SLC38A2: variants seen among roughly 807,000 people sequenced by gnomAD.
SLC38A2 encodes sodium-coupled neutral amino acid symporter 2.
A neutral mutation model predicts 61.5 loss-of-function variants in SLC38A2; 11 were observed. The observed-to-expected ratio is 0.18, with a 90% CI of 0.11 to 0.30. The LOEUF (loss-of-function observed/expected upper bound fraction) is 0.30, where lower values mean the gene tolerates loss of function less well. Ranked by LOEUF, SLC38A2 falls within the 10% of genes least tolerant of loss-of-function variation. The pLI is 1.00. For synonymous variants in SLC38A2, 217 were observed against 212.5 expected, an observed-to-expected ratio of 1.02 and a Z score of -0.18; for missense variants, 522 against 600.4, an observed-to-expected ratio of 0.87 and a Z score of 1.36.
At chr12:46,364,118 T>G (rs1417943757) in intron 10 of SLC38A2, 115 bp from the exon 11 acceptor site, 4 of 935,490 alleles carry the variant, frequency 4.3e-6, no homozygotes, top group Non-Finnish European at 6.3e-6. Context: ...GTTTCCTTTG[T>G]GTAATTAGCT....
chr12:46,364,623 T>TA lies in SLC38A2; in HGVS notation c.705+20dup, dbSNP rs199734558. The TA allele has an allele frequency of 7.5e-4, 1,077 of 1,441,072 alleles. 1 individual carries two copies. The highest frequency in any genetic ancestry group is 2.0e-3 in the Admixed American group (104 of 50,756). The allele number at this position is 1,441,072 out of a possible 1,614,324, so 89.3% of individuals were successfully genotyped here. ...GGCAGGGCTTATAAAAAATTTTTTC[T>TA]AAAAAAAAAATCATACCCACCACAA... is the stretch of plus-strand genomic sequence containing the variant. On this transcript the variant is annotated intron_variant, in intron 9 of 15. Transcript: ENST00000256689.
chr12:46,371,469 T>C (rs540255128), intron 1 of SLC38A2, 90 bp from the exon 2 acceptor site: 41 of 586,440 alleles, frequency 7.0e-5, no homozygotes, highest in African/African-American at 6.8e-4. Context: ...GGCTGATTCA[T>C]CCCAGGCCAG....
At position 46,364,555 on chromosome 12, in the gene SLC38A2, A is replaced by G; in HGVS notation, c.707T>C (p.Val236Ala). The G allele has an allele frequency of 6.2e-7, 1 of 1,601,248 alleles. No individual in the cohort carries two copies. Among genetic ancestry groups the G allele is most frequent in the South Asian group, 1.1e-5 (1 of 88,136 alleles). Residue 236 changes from valine to alanine, a missense_variant and splice_region_variant, in exon 10 of 16, where the codon GTC becomes GCC. Val to Ala is a moderately conservative substitution (Grantham distance 64). This residue lies in a region of SLC38A2 where 309 missense variants were observed against 343.9 expected (regional missense o/e 0.90). Transcript: ENST00000256689. ...LLCMVFFLIV[V>A]ICKKFQVPCP... ...CGGAACCTGAAATTTCTTGCAAATGACCTAAAAATATATTATTTTGCATGT... is the reference window on the plus strand; with the variant it reads ...CGGAACCTGAAATTTCTTGCAAATGGCCTAAAAATATATTATTTTGCATGT...
intron 5 of SLC38A2, 25 bp from the exon 6 acceptor site, chr12:46,367,193 A>G: frequency 2.5e-6 from 4 of 1,602,182 alleles, no homozygotes; most frequent in Non-Finnish European, 3.4e-6. Flanking sequence ...CAGAAGCATG[A>G]AGCCAAGGAT....
intron 4 of SLC38A2, 133 bp from the exon 5 acceptor site, chr12:46,367,473 C>T (rs1215896587): frequency 3.1e-6 from 2 of 646,386 alleles, no homozygotes; most frequent in Non-Finnish European, 5.6e-6. Flanking sequence ...GAAGAACTGG[C>T]ATTTCCTCTC....
In SLC38A2 at chr12:46,361,085, CTGAGTT is replaced by C. The variant is rs746401923; in HGVS notation, c.*20_*25del. ...TTACTCAACACTGGCATCAGATGGA[CTGAGTT>C]TGAGTTTGAGTGGTGCCAATTAATG... On this transcript the variant is annotated 3_prime_UTR_variant, in exon 16 of 16. Coordinates refer to ENST00000256689, the MANE Select transcript of SLC38A2 (RefSeq NM_018976.5). 149 of 1,578,852 alleles carry C rather than the reference CTGAGTT, an allele frequency of 9.4e-5. No homozygotes were observed. The East Asian group carries it at 2.2e-3, about 23-fold the overall frequency.
Position 46,364,015 on chromosome 12 carries a change from C to G in SLC38A2, c.874-12G>C. 6.3e-7 allele frequency: 1 copy of G among 1,593,922 alleles called. No individual in the cohort carries two copies. ...ACAGCATAGACAGTCTGAAAGAAAA[C>G]GTAAAAATCTACTTAATCTGATGTA... On this transcript the variant is annotated splice_polypyrimidine_tract_variant and intron_variant, in intron 10 of 15. Transcript: ENST00000256689.
intron 7 of SLC38A2, among the ~76,000 whole-genome samples, chr12:46,365,697 G>A (rs1473043188): frequency 1.3e-5 from 2 of 151,106 alleles, no homozygotes; most frequent in African/African-American, 2.4e-5. Context: ...CAGGCAAACT[G>A]CCCCCCCCAT....
At chr12:46,370,242 ATTTTG>A (rs758145068) in intron 4 of SLC38A2, among the ~76,000 whole-genome samples, 2 of 152,148 alleles carry the variant, frequency 1.3e-5, no homozygotes, top group Admixed American at 6.5e-5. Context: ...ATCTGTTACA[ATTTTG>A]TTTTAACTAT....
intron 12 of SLC38A2, 74 bp from the exon 13 acceptor site, chr12:46,363,219 TGTGCACC>T (rs1943102749): frequency 6.6e-7 from 1 of 1,517,632 alleles, no homozygotes; most frequent in South Asian, 1.2e-5. Flanking sequence ...AACAGCAAAA[TGTGCACC>T]AGTTATTTAG....
chr12:46,368,036 G>A (rs1435642936), intron 4 of SLC38A2, among the ~76,000 whole-genome samples: 1 of 152,128 alleles, frequency 6.6e-6, no homozygotes, highest in African/African-American at 2.4e-5. Context: ...TACTCAGGCT[G>A]AGGTGGGGGT....
intron 15 of SLC38A2, chr12:46,362,071 T>G: frequency 2.1e-6 from 1 of 477,184 alleles, no homozygotes; most frequent in South Asian, 3.1e-5. Flanking sequence ...TCTAATAACT[T>G]TATTGCAATT....
At chr12:46,368,220 C>T (rs920415815) in intron 4 of SLC38A2, among the ~76,000 whole-genome samples, 4 of 152,126 alleles carry the variant, frequency 2.6e-5, no homozygotes, top group Admixed American at 2.6e-4. Flanking sequence ...GGGCACAAAT[C>T]AGAGAACTAA....
chr12:46,363,107 T>C lies in SLC38A2; in HGVS notation c.1093A>G (p.Ile365Val), dbSNP rs374139114. The change falls in exon 13 of 16, where the codon ATC becomes GTC. Residue 365 changes from isoleucine to valine, a missense_variant. Ile to Val is a conservative substitution (Grantham distance 29). Coordinates refer to ENST00000256689, the MANE Select transcript of SLC38A2 (RefSeq NM_018976.5). Reference sequence around the variant, plus strand: ...AGAAGAAGAATATCAGTTCCCAAGATAGAAGAGTAGGTATGAAGCAATTCT... The same window carrying C: ...AGAAGAAGAATATCAGTTCCCAAGACAGAAGAGTAGGTATGAAGCAATTCT... Reference protein sequence around the residue: ...ESELLHTYSSILGTDILLLIV... With the variant: ...ESELLHTYSSVLGTDILLLIV... 43 of 1,612,816 alleles carry C rather than the reference T, an allele frequency of 2.7e-5. No individual in the cohort carries two copies. Among genetic ancestry groups the C allele is most frequent in the African/African-American group, 1.2e-4 (9 of 74,822 alleles).
chr12:46,371,482 G>T (rs911083357), intron 1 of SLC38A2, 103 bp from the exon 2 acceptor site: 7 of 562,412 alleles, frequency 1.2e-5, no homozygotes, highest in Non-Finnish European at 2.2e-5. Context: ...CAGGCCAGGC[G>T]AGTGGAAAAG....
At chr12:46,366,973 C>T in intron 6 of SLC38A2, 28 bp from the exon 7 acceptor site, 3 of 1,612,010 alleles carry the variant, frequency 1.9e-6, no homozygotes, top group Non-Finnish European at 2.5e-6. Flanking sequence ...TATACCATTA[C>T]AAGTGCAAAA....
In SLC38A2 at chr12:46,358,570, T is replaced by C. The variant is rs1943046934; in HGVS notation, c.*2541A>G. 6.6e-6 allele frequency: 1 copy of C among 152,560 alleles called. No homozygotes were observed. 9.5% of individuals were successfully genotyped at this position (152,560 alleles called of 1,614,324 possible). On this transcript the variant is annotated 3_prime_UTR_variant, in exon 16 of 16. Transcript: ENST00000256689. ...ACACAATTTGTCAATTTTTCAATATTCAATTTTCTGTACAGGTACTTTTGG... is the reference window on the plus strand; with the variant it reads ...ACACAATTTGTCAATTTTTCAATATCCAATTTTCTGTACAGGTACTTTTGG...
chr12:46,367,826 C>T (rs934005125), intron 4 of SLC38A2, among the ~76,000 whole-genome samples: 4 of 152,026 alleles, frequency 2.6e-5, no homozygotes, highest in Non-Finnish European at 2.9e-5. Context: ...CCACATGGAC[C>T]GTATACACAA....
In SLC38A2 at chr12:46,372,624, T is replaced by C; in HGVS notation, c.-202A>G. ...ATCCAACAACAGGCAGGAAAAATAA[T>C]TTTAATAAAAAAGGAAAAGACAAAT... On this transcript the variant is annotated 5_prime_UTR_variant, in exon 1 of 16. Transcript: ENST00000256689. 2.5e-6 allele frequency: 1 copy of C among 398,422 alleles called. No homozygotes were observed. The highest frequency in any genetic ancestry group is 4.4e-6 in the Non-Finnish European group (1 of 225,918). 24.7% of individuals were successfully genotyped at this position (398,422 alleles called of 1,614,324 possible). A position where few individuals can be genotyped will look rare whatever the true frequency, so the allele number is the denominator to read the frequency against.
Sources: allele counts gnomAD v4.1 joint callset (sites outside exome capture counted in the v4.1 genomes callset), GRCh38; gene constraint gnomAD v4.1.1; regional missense constraint gnomAD v4.1.1; transcripts MANE v1.5; gene names NCBI Gene and HGNC (gene_info 2026-07-23, HGNC 2026-07-21).